Variants in DAB2IP observed in about 807,000 individuals in gnomAD.
DAB2IP encodes the protein disabled homolog 2-interacting protein.
Under a neutral mutation model 107.2 loss-of-function variants are expected in DAB2IP, and 28 were observed. That is an observed-to-expected ratio of 0.26 (90% CI 0.19 to 0.36). The LOEUF (loss-of-function observed/expected upper bound fraction) is 0.36, where lower values mean the gene tolerates loss of function less well. Among genes scored for constraint, DAB2IP ranks in the 10% least tolerant of loss-of-function variants. The pLI is 1.00. For synonymous variants in DAB2IP, 755 were observed against 706.4 expected (o/e 1.07, Z -1.09); for missense variants, 1,400 against 1,644.7 (o/e 0.85, Z 2.57).
At chr9:121,642,739 A>G (rs1162836804) in intron 1 of DAB2IP, among the ~76,000 whole-genome samples, 1 of 152,178 alleles carries the variant, frequency 6.6e-6, no homozygotes, top group East Asian at 1.9e-4. Flanking sequence ...TGGACTCACA[A>G]GGTTCCTGTC....
intron 3 of DAB2IP, among the ~76,000 whole-genome samples, chr9:121,754,040 C>A (rs926836451): frequency 3.3e-5 from 5 of 152,298 alleles, no homozygotes; most frequent in Admixed American, 2.6e-4. Context: ...GCAAGCAGTC[C>A]CTGCTGTGAA....
chr9:121,583,736 G>C (rs1012220969), intron 1 of DAB2IP, among the ~76,000 whole-genome samples: 1 of 152,212 alleles, frequency 6.6e-6, no homozygotes, highest in Non-Finnish European at 1.5e-5. Context: ...CCAGATTCCT[G>C]TCTCTAAGAG....
At chr9:121,696,900 A>G (rs555581404) in intron 2 of DAB2IP, among the ~76,000 whole-genome samples, 1 of 152,334 alleles carries the variant, frequency 6.6e-6, no homozygotes, top group South Asian at 2.1e-4. Context: ...CTCTTTTCCC[A>G]TGATCTGAGC....
chr9:121,588,515 T>TGGAAG (rs1286875098), intron 1 of DAB2IP, among the ~76,000 whole-genome samples: 4 of 104,990 alleles, frequency 3.8e-5, no homozygotes, highest in East Asian at 3.3e-4. Flanking sequence ...TCAACACCTG[T>TGGAAG]GGAAGGGAAG....
chr9:121,730,467 A>G (rs1365519545), intron 3 of DAB2IP, among the ~76,000 whole-genome samples: 1 of 152,164 alleles, frequency 6.6e-6, no homozygotes, highest in African/African-American at 2.4e-5. Flanking sequence ...TCAGGAAGAG[A>G]GGAGTCAGTG....
intron 3 of DAB2IP, among the ~76,000 whole-genome samples, chr9:121,742,244 A>G (rs1334743251): frequency 1.3e-5 from 2 of 152,190 alleles, no homozygotes; most frequent in Non-Finnish European, 2.9e-5. Flanking sequence ...CCTGACCAAC[A>G]TGGTGAAACC....
intron 8 of DAB2IP, 44 bp from the exon 9 acceptor site, chr9:121,766,450 C>A: frequency 6.4e-7 from 1 of 1,565,466 alleles, no homozygotes. Flanking sequence ...CTGTCCTGGG[C>A]CCCTGCCTGA....
rs763589277 is a variant in DAB2IP at position 121,782,519 on chromosome 9, GC to G, written c.*22del. On this transcript the variant is annotated 3_prime_UTR_variant, in exon 16 of 16. Coordinates refer to ENST00000408936, the Ensembl canonical transcript of DAB2IP. This position sits in a 1 kb window ranked among gnomAD's most constrained non-coding sequence, Gnocchi z 6.1. ...GTTAACCTGCCTGAGGAGGGAGGAA[GC>G]TACCCAAGGAGAGGGGGACTATGGT... is the stretch of plus-strand genomic sequence containing the variant. 6.2e-7 allele frequency: 1 copy of G among 1,611,634 alleles called. No homozygotes were observed. The highest frequency in any genetic ancestry group is 8.5e-7 in the Non-Finnish European group (1 of 1,178,364).
intron 9 of DAB2IP, among the ~76,000 whole-genome samples, chr9:121,766,948 A>AATTT (rs1360840318): frequency 2.6e-5 from 4 of 152,236 alleles, no homozygotes; most frequent in Admixed American, 2.6e-4. Context: ...TATGTTTCTT[A>AATTT]ATTTTTAAAG....
At position 121,760,535 on chromosome 9, in the gene DAB2IP, C is replaced by A; in HGVS notation, c.1170+96C>A. The A allele has an allele frequency of 7.1e-7, 1 of 1,400,404 alleles. No individual in the cohort carries two copies. Among genetic ancestry groups the A allele is most frequent in the Non-Finnish European group, 9.4e-7 (1 of 1,064,300 alleles). The allele number at this position is 1,400,404 out of a possible 1,614,324, so 86.7% of individuals were successfully genotyped here. On this transcript the variant is annotated intron_variant, in intron 6 of 15. Transcript: ENST00000408936. This position sits in a 1 kb window ranked among gnomAD's most constrained non-coding sequence, Gnocchi z 5.9. Reference sequence around the variant, plus strand: ...CCGTACATTTCAGGCCTAACAGAGGCCTTGGAGGCACCGGTCACTACCAGA... The same window carrying A: ...CCGTACATTTCAGGCCTAACAGAGGACTTGGAGGCACCGGTCACTACCAGA...
Position 121,633,734 on chromosome 9 carries a change from G to A in DAB2IP, c.41-44944G>A, listed in dbSNP as rs932992770. ...GCCTGGATGTGCCTCATTCTGGACCGTTGTGGGAGATTTAAGGCTCAGCTA... is the reference window on the plus strand; with the variant it reads ...GCCTGGATGTGCCTCATTCTGGACCATTGTGGGAGATTTAAGGCTCAGCTA... On this transcript the variant is annotated intron_variant, in intron 1 of 16. Coordinates refer to the DAB2IP transcript ENST00000259371. This position sits in a 1 kb window ranked among gnomAD's most constrained non-coding sequence, Gnocchi z 5.1. Among the ~76,000 whole-genome samples, 4 of 152,126 alleles carry A rather than the reference G, an allele frequency of 2.6e-5. No homozygotes were observed. The highest frequency in any genetic ancestry group is 1.9e-4 in the East Asian group (1 of 5,188).
intron 1 of DAB2IP, among the ~76,000 whole-genome samples, chr9:121,579,831 T>C (rs1300563214): frequency 4.6e-5 from 7 of 152,222 alleles, no homozygotes; most frequent in Non-Finnish European, 1.0e-4. Flanking sequence ...TTGCAAGCTA[T>C]AAAGCGCTCC....
chr9:121,637,901 T>C (rs1242045770), intron 1 of DAB2IP, among the ~76,000 whole-genome samples: 1 of 152,100 alleles, frequency 6.6e-6, no homozygotes, highest in East Asian at 1.9e-4. Flanking sequence ...CGGAAGGCAT[T>C]TGGCCCTGTT....
intron 1 of DAB2IP, among the ~76,000 whole-genome samples, chr9:121,584,410 C>CAA (rs911897851): frequency 2.2e-5 from 3 of 136,868 alleles, no homozygotes; most frequent in African/African-American, 2.7e-5. Context: ...CCTGTCTCTA[C>CAA]AAAAAAAAAA....
chr9:121,750,664 C>T (rs185835720), intron 3 of DAB2IP, among the ~76,000 whole-genome samples: 1 of 152,196 alleles, frequency 6.6e-6, no homozygotes, highest in Non-Finnish European at 1.5e-5. Flanking sequence ...CTCAATTCCC[C>T]CCACCCAATA....
chr9:121,737,504 G>A (rs1832013355), intron 3 of DAB2IP: 1 of 985,332 alleles, frequency 1.0e-6, no homozygotes, highest in South Asian at 4.7e-5. Flanking sequence ...AATCTGTCCA[G>A]AAGAGCTGCC....
Position 121,757,181 on chromosome 9 carries a change from AG to A in DAB2IP, c.516+19del, listed in dbSNP as rs1371924184. 1 of 1,612,452 alleles carries A rather than the reference AG, an allele frequency of 6.2e-7. No homozygotes were observed. The highest frequency in any genetic ancestry group is 8.5e-7 in the Non-Finnish European group (1 of 1,179,032). On this transcript the variant is annotated intron_variant, in intron 4 of 15. Transcript: ENST00000408936. ...ACTGCTTCGAGGTGGGTCCCATCAC[AG>A]GGGTTGGGGTGGACACCCCATCCTC...
chr9:121,777,456 A>C (rs1428299244), intron 14 of DAB2IP, among the ~76,000 whole-genome samples: 1 of 152,200 alleles, frequency 6.6e-6, no homozygotes, highest in African/African-American at 2.4e-5. Flanking sequence ...CTCTTGGCTC[A>C]CCTTGTGTGT....
At chr9:121,581,817 G>C (rs190608101) in intron 1 of DAB2IP, among the ~76,000 whole-genome samples, 3 of 152,274 alleles carry the variant, frequency 2.0e-5, no homozygotes, top group East Asian at 3.9e-4. Flanking sequence ...GGAGAGATTC[G>C]AGCAGAGGAG....
Sources: allele counts gnomAD v4.1 joint callset (sites outside exome capture counted in the v4.1 genomes callset), GRCh38; gene constraint gnomAD v4.1.1; non-coding constraint Gnocchi (gnomAD v3.1); transcripts MANE v1.5; gene names NCBI Gene and HGNC (gene_info 2026-07-23, HGNC 2026-07-21).